The following UBE2E2 variants were observed in gnomAD, a reference collection of about 807,000 sequenced individuals.
UBE2E2 encodes ubiquitin conjugating enzyme E2 E2.
UBE2E2 carries 6 observed loss-of-function variants against 24.7 expected under a neutral mutation model. The ratio of observed to expected loss-of-function variants is 0.24; its 90% CI spans 0.13 to 0.48. UBE2E2 has a LOEUF of 0.48. Ranked by LOEUF, UBE2E2 falls within the 20% of genes least tolerant of loss-of-function variation. The probability of loss-of-function intolerance (pLI) is 0.99; values close to 1 mark genes in which losing one functional copy is unlikely to be tolerated. For synonymous variants in UBE2E2, 104 were observed against 83.6 expected (o/e 1.24, Z -1.33); for missense variants, 169 against 245.0 (o/e 0.69, Z 2.07).
chr3:23,568,185 G>A (rs750239806), intron 5 of UBE2E2, among the ~76,000 whole-genome samples: 2 of 152,154 alleles, frequency 1.3e-5, no homozygotes, highest in African/African-American at 4.8e-5. Context: ...ATTCCCACAC[G>A]TGGTGGAGAC....
chr3:23,575,057 T>A (rs540005104), intron 5 of UBE2E2, among the ~76,000 whole-genome samples: 2 of 152,328 alleles, frequency 1.3e-5, no homozygotes, highest in Admixed American at 1.3e-4. Context: ...GTGGATAACA[T>A]TAAAACCATG....
chr3:23,299,830 G>A (rs935638638), intron 3 of UBE2E2, among the ~76,000 whole-genome samples: 1 of 152,072 alleles, frequency 6.6e-6, no homozygotes, highest in Non-Finnish European at 1.5e-5. Context: ...TTCAATTCCT[G>A]GGTATCCTTG....
chr3:23,468,128 C>T (rs559416462), intron 3 of UBE2E2, among the ~76,000 whole-genome samples: 2 of 152,262 alleles, frequency 1.3e-5, no homozygotes, highest in East Asian at 1.9e-4. Context: ...TATTCTTGCT[C>T]CACATGGACC....
intron 5 of UBE2E2, among the ~76,000 whole-genome samples, chr3:23,571,280 C>CTTTTTTTTTTTTTTTTTTTTTTTT (rs59243406): frequency 0.015 from 441 of 29,878 alleles, 182 homozygotes; most frequent in Non-Finnish European, 0.02. Flanking sequence ...GTGCTCCTTT[C>CTTTTTTTTTTTTTTTTTTTTTTTT]TTTTTTTTTT....
intron 3 of UBE2E2, among the ~76,000 whole-genome samples, chr3:23,364,303 T>TA (rs1379792512): frequency 6.6e-6 from 1 of 151,698 alleles, no homozygotes; most frequent in African/African-American, 2.4e-5. Context: ...AACTGAGATG[T>TA]AAAAAACCAT....
At chr3:23,326,096 G>T (rs116564887) in intron 3 of UBE2E2, among the ~76,000 whole-genome samples, 1 of 152,182 alleles carries the variant, frequency 6.6e-6, no homozygotes, top group Non-Finnish European at 1.5e-5. Flanking sequence ...TTTTGAGGTG[G>T]AGTCTTGCTT....
intron 5 of UBE2E2, among the ~76,000 whole-genome samples, chr3:23,536,052 T>C (rs1695256261): frequency 6.6e-6 from 1 of 152,254 alleles, no homozygotes; most frequent in Non-Finnish European, 1.5e-5. Context: ...TTCTTATTTG[T>C]AAGTACTTTC....
intron 3 of UBE2E2, among the ~76,000 whole-genome samples, chr3:23,316,044 G>A (rs1184340088): frequency 1.3e-5 from 2 of 152,016 alleles, no homozygotes; most frequent in African/African-American, 4.8e-5. Flanking sequence ...CCCTGTGGCC[G>A]CCACCCCTGG....
chr3:23,222,362 C>G (rs1363939719), intron 3 of UBE2E2, among the ~76,000 whole-genome samples: 1 of 152,146 alleles, frequency 6.6e-6, no homozygotes, highest in East Asian at 1.9e-4. Context: ...TTGATATATA[C>G]TGATATGCTT....
rs1234793317 is a variant in UBE2E2, at chr3:23,474,469, T to G, written c.228-25139T>G. 6.6e-6 allele frequency among the ~76,000 whole-genome samples: 1 copy of G among 152,130 alleles called. No homozygotes were observed. The highest frequency in any genetic ancestry group is 1.5e-5 in the Non-Finnish European group (1 of 68,034). On this transcript the variant is annotated intron_variant, in intron 3 of 5. Transcript: ENST00000396703. This position sits in a 1 kb window ranked among gnomAD's most constrained non-coding sequence, Gnocchi z 4.0. Reference sequence around the variant, plus strand: ...TTTCAGACACAAATACACGTTATTGTACATTTCTAATAATCTATCACAAAA... The same window carrying G: ...TTTCAGACACAAATACACGTTATTGGACATTTCTAATAATCTATCACAAAA...
Position 23,489,902 on chromosome 3 carries a change from T to C in UBE2E2, c.228-9706T>C, listed in dbSNP as rs532060267. On this transcript the variant is annotated intron_variant, in intron 3 of 5. Coordinates refer to ENST00000396703, the MANE Select transcript of UBE2E2 (RefSeq NM_152653.4). ...GGGGAAGGAGCCTTTTCATTTTTCC[T>C]AAGTATTCCTTTCTTTCCCCTTCCC... Among the ~76,000 whole-genome samples, 6 of 152,318 alleles carry C rather than the reference T, an allele frequency of 3.9e-5. No homozygotes were observed. In the South Asian group the frequency reaches 1.0e-3, roughly 26 times the overall value.
At chr3:23,468,413 A>G (rs1378524066) in intron 3 of UBE2E2, among the ~76,000 whole-genome samples, 1 of 152,258 alleles carries the variant, frequency 6.6e-6, no homozygotes, top group Non-Finnish European at 1.5e-5. Context: ...AGTGCCAGAA[A>G]CAAAAAAGAT....
chr3:23,210,135 A>T (rs77837466), intron 2 of UBE2E2, among the ~76,000 whole-genome samples: 3,396 of 152,206 alleles, frequency 0.022, 43 homozygotes, highest in Non-Finnish European at 0.034. Context: ...AAGGTGGGGA[A>T]TAGAGAAAAT....
chr3:23,291,441 T>C lies in UBE2E2; in HGVS notation c.227+74129T>C, dbSNP rs192872621. Among the ~76,000 whole-genome samples the C allele has an allele frequency of 7.9e-5, 12 of 152,340 alleles. No homozygotes were observed. The East Asian group carries it at 1.7e-3, about 22-fold the overall frequency. On this transcript the variant is annotated intron_variant, in intron 3 of 5. Transcript: ENST00000396703. The stretch of plus-strand genomic sequence containing the variant: ...TCACATGTTGTAATAATAAGGCTTT[T>C]GTTCACAATTTTAATGTTATTTTAA...
At chr3:23,447,402 C>G (rs1698457798) in intron 3 of UBE2E2, among the ~76,000 whole-genome samples, 1 of 152,160 alleles carries the variant, frequency 6.6e-6, no homozygotes, top group South Asian at 2.1e-4. Context: ...TTTCTGATAT[C>G]AATTACTTTG....
intron 3 of UBE2E2, among the ~76,000 whole-genome samples, chr3:23,414,052 A>G (rs1266787482): frequency 2.4e-4 from 36 of 152,120 alleles, no homozygotes; most frequent in Admixed American, 2.4e-3. Flanking sequence ...GCCTCATCCC[A>G]TTTATCTGTG....
At chr3:23,247,862 A>G (rs917514389) in intron 3 of UBE2E2, among the ~76,000 whole-genome samples, 3 of 152,114 alleles carry the variant, frequency 2.0e-5, no homozygotes, top group Non-Finnish European at 2.9e-5. Flanking sequence ...GTACAAAGTC[A>G]TTTGCAAATT....
chr3:23,518,711 G>A (rs1694798304), intron 4 of UBE2E2, among the ~76,000 whole-genome samples: 1 of 152,212 alleles, frequency 6.6e-6, no homozygotes, highest in African/African-American at 2.4e-5. Flanking sequence ...TCTGGCTGCT[G>A]TGTGCCTGCA....
intron 5 of UBE2E2, among the ~76,000 whole-genome samples, chr3:23,536,240 CTATTTAAAAAATGGG>C (rs1341869490): frequency 6.6e-6 from 1 of 152,100 alleles, no homozygotes; most frequent in Non-Finnish European, 1.5e-5. Flanking sequence ...GCCTTCAGAC[CTATTTAAAAAATGGG>C]TATTTTACCT....
Sources: allele counts gnomAD v4.1 joint callset (sites outside exome capture counted in the v4.1 genomes callset), GRCh38; gene constraint gnomAD v4.1.1; non-coding constraint Gnocchi (gnomAD v3.1); transcripts MANE v1.5; gene names NCBI Gene and HGNC (gene_info 2026-07-23, HGNC 2026-07-21).